TLE1: variants seen among roughly 807,000 people sequenced by gnomAD.
The protein encoded by TLE1 is TLE family member 1, transcriptional corepressor.
A neutral mutation model predicts 89.8 loss-of-function variants in TLE1; 21 were observed. The observed-to-expected ratio is 0.23, with a 90% CI of 0.17 to 0.34. TLE1 has a LOEUF of 0.34. Ranked by LOEUF, TLE1 falls within the 10% of genes least tolerant of loss-of-function variation. TLE1 has a pLI of 1.00. For missense variants in TLE1, 795 were observed against 1,031.2 expected (o/e 0.77, Z 3.14); for synonymous variants, 447 against 407.6 (o/e 1.10, Z -1.16).
intron 4 of TLE1, among the ~76,000 whole-genome samples, chr9:81,666,873 C>T (rs1010500938): frequency 6.6e-6 from 1 of 152,082 alleles, no homozygotes; most frequent in Admixed American, 6.5e-5. Context: ...TCTATCAGCA[C>T]TTTTGAGAGC....
chr9:81,661,911 A>G (rs1414133427), intron 4 of TLE1, among the ~76,000 whole-genome samples: 1 of 152,226 alleles, frequency 6.6e-6, no homozygotes, highest in Non-Finnish European at 1.5e-5. Context: ...AAAGTGGAAC[A>G]ATCATACGTT....
chr9:81,644,948 C>T (rs970163748), intron 6 of TLE1, among the ~76,000 whole-genome samples: 4 of 137,050 alleles, frequency 2.9e-5, no homozygotes, highest in Admixed American at 1.6e-4. Flanking sequence ...GAGCCGATAT[C>T]GCACCACTGC....
At position 81,606,467 on chromosome 9, in the gene TLE1, T is replaced by C. The variant is rs1211130985; in HGVS notation, c.1331+3753A>G. On this transcript the variant is annotated intron_variant, in intron 14 of 19. Coordinates refer to ENST00000376499, the MANE Select transcript of TLE1 (RefSeq NM_005077.5). ...TAAAAAAGGATGAGTTCATGTCCTT[T>C]GCAGGGACATGGATGAAGCTGGAAA... Among the ~76,000 whole-genome samples, 8 of 152,208 alleles carry C rather than the reference T, an allele frequency of 5.3e-5. No individual in the cohort carries two copies. The East Asian group carries it at 1.3e-3, about 26-fold the overall frequency.
At chr9:81,684,050 T>C (rs949414399) in intron 4 of TLE1, among the ~76,000 whole-genome samples, 3 of 152,080 alleles carry the variant, frequency 2.0e-5, no homozygotes, top group African/African-American at 7.2e-5. Context: ...AATGAGGTTA[T>C]TAAATCCTTT....
chr9:81,654,707 G>A (rs1012208539), intron 4 of TLE1, among the ~76,000 whole-genome samples: 1 of 152,126 alleles, frequency 6.6e-6, no homozygotes, highest in Non-Finnish European at 1.5e-5. Context: ...TCATTCAAGC[G>A]GGTGTCAGAA....
intron 8 of TLE1, among the ~76,000 whole-genome samples, chr9:81,626,538 TC>T (rs1346796471): frequency 3.9e-5 from 6 of 152,230 alleles, no homozygotes; most frequent in Non-Finnish European, 8.8e-5. Context: ...TGAAAATCTG[TC>T]CACTGGCAAC....
chr9:81,651,248 T>A (rs749301264), intron 6 of TLE1, among the ~76,000 whole-genome samples: 3 of 152,168 alleles, frequency 2.0e-5, no homozygotes, highest in Non-Finnish European at 4.4e-5. Flanking sequence ...CACATATGAA[T>A]AAAATCAGAA....
chr9:81,652,556 A>G (rs1212105348), intron 5 of TLE1, among the ~76,000 whole-genome samples: 1 of 152,224 alleles, frequency 6.6e-6, no homozygotes, highest in Non-Finnish European at 1.5e-5. Context: ...AAAGGACATA[A>G]AGAATGATAA....
At chr9:81,672,396 C>A (rs1453824142) in intron 4 of TLE1, among the ~76,000 whole-genome samples, 1 of 151,174 alleles carries the variant, frequency 6.6e-6, no homozygotes, top group African/African-American at 2.4e-5. Flanking sequence ...TGTGATGGTG[C>A]GATCTTGGCT....
intron 14 of TLE1, among the ~76,000 whole-genome samples, chr9:81,602,516 CA>C (rs2131953940): frequency 1.3e-5 from 2 of 152,214 alleles, no homozygotes; most frequent in African/African-American, 4.8e-5. Context: ...TTGGGGATAC[CA>C]AATAAACTGT....
At chr9:81,645,629 C>G (rs577256104) in intron 6 of TLE1, among the ~76,000 whole-genome samples, 1 of 148,584 alleles carries the variant, frequency 6.7e-6, no homozygotes, top group South Asian at 2.2e-4. Context: ...AATCCAAGCT[C>G]CTTGGGAGGC....
intron 4 of TLE1, among the ~76,000 whole-genome samples, chr9:81,655,586 G>GA (rs559986303): frequency 3.5e-4 from 52 of 149,608 alleles, no homozygotes; most frequent in Admixed American, 1.7e-3. Flanking sequence ...TTTTAAAAAA[G>GA]AAAAAAAAAG....
chr9:81,666,287 T>C (rs1027938734), intron 4 of TLE1, among the ~76,000 whole-genome samples: 1 of 152,066 alleles, frequency 6.6e-6, no homozygotes, highest in African/African-American at 2.4e-5. Flanking sequence ...TACTCTCCTG[T>C]GGAAAGCAAG....
At chr9:81,628,064 A>G (rs895363601) in intron 8 of TLE1, among the ~76,000 whole-genome samples, 5 of 152,344 alleles carry the variant, frequency 3.3e-5, no homozygotes, top group African/African-American at 1.2e-4. Flanking sequence ...ACAAAAATTA[A>G]AAGAAAATTG....
At chr9:81,607,585 TTGGTTAC>T (rs1466202979) in intron 14 of TLE1, among the ~76,000 whole-genome samples, 1 of 152,216 alleles carries the variant, frequency 6.6e-6, no homozygotes, top group African/African-American at 2.4e-5. Flanking sequence ...CAAAGGTTCA[TTGGTTAC>T]TGGTATTACT....
In TLE1 at chr9:81,613,453, C is replaced by T. The variant is rs758290503; in HGVS notation, c.987G>A (p.Pro329=). ...TPTPRSDMPT[P]GTSATPGLRP... ...GGAGGCCTGGAGTGGCGCTGGTGCC[C>T]GGCGTTGGCATGTCGCTCCGAGGCG... The change falls in exon 12 of 20, where the codon CCG becomes CCA. Residue 329 remains proline (P), a synonymous_variant. Transcript: ENST00000376499. The T allele has an allele frequency of 5.0e-6, 8 of 1,614,040 alleles. No homozygotes were observed. The highest frequency in any genetic ancestry group is 1.6e-4 in the Middle Eastern group (1 of 6,084).
intron 14 of TLE1, among the ~76,000 whole-genome samples, chr9:81,594,161 T>C (rs746702216): frequency 2.0e-5 from 3 of 152,186 alleles, no homozygotes; most frequent in Non-Finnish European, 2.9e-5. Flanking sequence ...TCTTCTCTTC[T>C]TCCTTCCCAC....
intron 14 of TLE1, among the ~76,000 whole-genome samples, chr9:81,595,594 G>A (rs905396221): frequency 1.9e-4 from 29 of 152,220 alleles, no homozygotes; most frequent in African/African-American, 5.1e-4. Flanking sequence ...CAAGGCGGGC[G>A]GATCACGAGA....
At chr9:81,668,844 A>C (rs1831841209) in intron 4 of TLE1, among the ~76,000 whole-genome samples, 1 of 152,204 alleles carries the variant, frequency 6.6e-6, no homozygotes, top group Non-Finnish European at 1.5e-5. Context: ...GGAAACAAGA[A>C]CAATTTATAA....
Sources: allele counts gnomAD v4.1 joint callset (sites outside exome capture counted in the v4.1 genomes callset), GRCh38; gene constraint gnomAD v4.1.1; transcripts MANE v1.5; gene names NCBI Gene and HGNC (gene_info 2026-07-23, HGNC 2026-07-21).